CACNA2D4: variants seen among roughly 807,000 people sequenced by gnomAD.
CACNA2D4 encodes the protein voltage-dependent calcium channel subunit alpha-2/delta-4.
CACNA2D4 carries 157 observed loss-of-function variants against 163.8 expected under a neutral mutation model. The ratio of observed to expected loss-of-function variants is 0.96; its 90% CI spans 0.84 to 1.09. The LOEUF (loss-of-function observed/expected upper bound fraction) is 1.09, where lower values mean the gene tolerates loss of function less well. Among genes scored for constraint, CACNA2D4 ranks in the 50% least tolerant of loss-of-function variants. The probability of loss-of-function intolerance (pLI) is 0.00; values close to 1 mark genes in which losing one functional copy is unlikely to be tolerated. For synonymous variants in CACNA2D4, 598 were observed against 586.9 expected (o/e 1.02, Z -0.27); for missense variants, 1,410 against 1,479.9 (o/e 0.95, Z 0.78).
intron 18 of CACNA2D4, among the ~76,000 whole-genome samples, chr12:1,863,469 A>C (rs1865567985): frequency 6.6e-6 from 1 of 152,214 alleles, no homozygotes; most frequent in Non-Finnish European, 1.5e-5. Context: ...GAGTCTGTTC[A>C]AATTTTGATC....
chr12:1,863,976 G>A (rs768551966), intron 18 of CACNA2D4, among the ~76,000 whole-genome samples: 3 of 152,212 alleles, frequency 2.0e-5, no homozygotes, highest in Non-Finnish European at 2.9e-5. Context: ...CGGAAATGCG[G>A]GAGGACATGC....
chr12:1,890,058 C>G (rs972643485), intron 6 of CACNA2D4, among the ~76,000 whole-genome samples: 1 of 152,142 alleles, frequency 6.6e-6, no homozygotes, highest in Non-Finnish European at 1.5e-5. Flanking sequence ...CTCCAGGTTG[C>G]TCAATGCAAT....
intron 3 of CACNA2D4, among the ~76,000 whole-genome samples, chr12:1,911,648 G>A (rs115809456): frequency 0.013 from 2,016 of 152,248 alleles, 40 homozygotes; most frequent in African/African-American, 0.046. Context: ...CGCAGGGACC[G>A]GTCCTCAGAG....
chr12:1,838,392 A>C (rs1864934958), intron 26 of CACNA2D4, among the ~76,000 whole-genome samples: 1 of 152,148 alleles, frequency 6.6e-6, no homozygotes, highest in Non-Finnish European at 1.5e-5. Flanking sequence ...ACACGCTTAC[A>C]GTGCCAGCCG....
intron 26 of CACNA2D4, among the ~76,000 whole-genome samples, chr12:1,817,817 G>A (rs1384554142): frequency 4.5e-4 from 69 of 152,142 alleles, no homozygotes; most frequent in African/African-American, 1.5e-3. Flanking sequence ...GTGCAGTGGC[G>A]TGATCTCGGC....
intron 18 of CACNA2D4, among the ~76,000 whole-genome samples, chr12:1,864,733 C>T (rs1004350971): frequency 6.6e-6 from 1 of 152,254 alleles, no homozygotes; most frequent in Non-Finnish European, 1.5e-5. Flanking sequence ...ACCTTGAAAG[C>T]CTGGCCCCAC....
intron 26 of CACNA2D4, chr12:1,831,535 G>T: frequency 1.2e-6 from 2 of 1,606,124 alleles, no homozygotes; most frequent in Non-Finnish European, 8.5e-7. Context: ...GGTGAGCGCA[G>T]CCGGCCCTGC....
chr12:1,851,386 G>T (rs1426968597), intron 23 of CACNA2D4, among the ~76,000 whole-genome samples: 1 of 152,198 alleles, frequency 6.6e-6, no homozygotes, highest in Non-Finnish European at 1.5e-5. Flanking sequence ...TGTGAGAAAA[G>T]AACATAATTT....
At chr12:1,846,047 C>T (rs1865135815) in intron 24 of CACNA2D4, among the ~76,000 whole-genome samples, 2 of 152,116 alleles carry the variant, frequency 1.3e-5, no homozygotes, top group South Asian at 2.1e-4. Flanking sequence ...AGTAAGAGAC[C>T]GCAAATCTCC....
chr12:1,844,403 T>C lies in CACNA2D4; in HGVS notation c.2469A>G (p.Pro823=), dbSNP rs923150980. The change falls in exon 25 of 38, where the codon CCA becomes CCG. Residue 823 remains proline (P), a splice_region_variant and synonymous_variant. Coordinates refer to ENST00000382722, the MANE Select transcript of CACNA2D4 (RefSeq NM_172364.5). This position sits in a 1 kb window ranked among gnomAD's most constrained non-coding sequence, Gnocchi z 4.2. ...CGGGAGCACCGGGCTGTGTGTTACCTGGTCCTTCTGCCCAGCGGAGGTTGA... is the reference window on the plus strand; with the variant it reads ...CGGGAGCACCGGGCTGTGTGTTACCCGGTCCTTCTGCCCAGCGGAGGTTGA... The part of the protein sequence containing the change: ...FVFNLRWAEG[P]ESAGEPMVVT... 3 of 1,613,438 alleles carry C rather than the reference T, an allele frequency of 1.9e-6. No individual in the cohort carries two copies. The highest frequency in any genetic ancestry group is 2.2e-5 in the South Asian group (2 of 90,902).
chr12:1,844,609 A>T lies in CACNA2D4; in HGVS notation c.2343-80T>A. On this transcript the variant is annotated intron_variant, in intron 24 of 37. Coordinates refer to ENST00000382722, the MANE Select transcript of CACNA2D4 (RefSeq NM_172364.5). This position sits in a 1 kb window ranked among gnomAD's most constrained non-coding sequence, Gnocchi z 4.2. Reference sequence around the variant, plus strand: ...TCTTTCCTTTTCTCACACAAGGTCAACTTGGCTGGGCTAAGAGAGTGATTT... The same window carrying T: ...TCTTTCCTTTTCTCACACAAGGTCATCTTGGCTGGGCTAAGAGAGTGATTT... 1 of 1,496,550 alleles carries T rather than the reference A, an allele frequency of 6.7e-7. No individual in the cohort carries two copies. The highest frequency in any genetic ancestry group is 9.1e-7 in the Non-Finnish European group (1 of 1,093,138). The allele number at this position is 1,496,550 out of a possible 1,614,324, so 92.7% of individuals were successfully genotyped here.
Position 1,793,454 on chromosome 12 carries a change from C to A in CACNA2D4, c.*201G>T. 1.6e-6 allele frequency: 1 copy of A among 625,218 alleles called. No homozygotes were observed. 38.7% of individuals were successfully genotyped at this position (625,218 alleles called of 1,614,324 possible). On this transcript the variant is annotated 3_prime_UTR_variant, in exon 38 of 38. Transcript: ENST00000382722. Reference sequence around the variant, plus strand: ...GCAGATGGTACCGGGCACCATGAAGCATCTTGAAAGTGGTGCCAGGTGATT... The same window carrying A: ...GCAGATGGTACCGGGCACCATGAAGAATCTTGAAAGTGGTGCCAGGTGATT...
rs898882538 is a variant in CACNA2D4, at chr12:1,806,400, C to G, written c.2721+3878G>C. ...CAGCAGGCCTGGAACACCGCCGGTG[C>G]CAAGAAAGAGCCAAGCAGCCACTCC... On this transcript the variant is annotated intron_variant, in intron 29 of 37. Transcript: ENST00000382722. This position sits in a 1 kb window ranked among gnomAD's most constrained non-coding sequence, Gnocchi z 4.1. 6.6e-6 allele frequency among the ~76,000 whole-genome samples: 1 copy of G among 152,136 alleles called. No homozygotes were observed. The highest frequency in any genetic ancestry group is 2.4e-5 in the African/African-American group (1 of 41,424).
chr12:1,843,917 G>A lies in CACNA2D4; in HGVS notation c.2470+485C>T, dbSNP rs888999122. Among the ~76,000 whole-genome samples the A allele has an allele frequency of 6.6e-6, 1 of 152,142 alleles. No individual in the cohort carries two copies. Among genetic ancestry groups the A allele is most frequent in the African/African-American group, 2.4e-5 (1 of 41,416 alleles). On this transcript the variant is annotated intron_variant, in intron 25 of 37. Transcript: ENST00000382722. This position sits in a 1 kb window ranked among gnomAD's most constrained non-coding sequence, Gnocchi z 4.6. Reference sequence around the variant, plus strand: ...TGGAGAAGGCTGGGAGCTCCCTGAGGCTGGTCCTGGGTGGTCCTGGGTAAC... The same window carrying A: ...TGGAGAAGGCTGGGAGCTCCCTGAGACTGGTCCTGGGTGGTCCTGGGTAAC...
chr12:1,831,718 A>G (rs1372303380), intron 26 of CACNA2D4, among the ~76,000 whole-genome samples: 1 of 152,020 alleles, frequency 6.6e-6, no homozygotes, highest in Non-Finnish European at 1.5e-5. Context: ...CTTCCTGCCA[A>G]TGGGAGAGAG....
In CACNA2D4 at chr12:1,846,576, G is replaced by A. The variant is rs751670993; in HGVS notation, c.2342+18C>T. 7.6e-5 allele frequency: 119 copies of A among 1,571,128 alleles called. 1 individual carries two copies. The Middle Eastern group carries it at 1.2e-3, about 15-fold the overall frequency. On this transcript the variant is annotated intron_variant, in intron 24 of 37. Transcript: ENST00000382722. ...GCCCTGCAGGGATTGCCCTCCCGAG[G>A]TGGCCGGCCCAACCCACCTGTCGGA...
chr12:1,817,811 A>G (rs1199876095), intron 26 of CACNA2D4, among the ~76,000 whole-genome samples: 1 of 152,046 alleles, frequency 6.6e-6, no homozygotes, highest in African/African-American at 2.4e-5. Context: ...GCTGGAGTGC[A>G]GTGGCGTGAT....
chr12:1,913,567 T>C (rs720456), intron 2 of CACNA2D4, among the ~76,000 whole-genome samples: 137,836 of 152,296 alleles, frequency 0.91, 62,610 homozygotes, highest in East Asian at 1. Flanking sequence ...TTCCTCAATG[T>C]CCCAGAAGAG....
At position 1,861,510 on chromosome 12, in the gene CACNA2D4, T is replaced by C. The variant is rs1052537538; in HGVS notation, c.1879-1304A>G. ...TAGGCTGGAGTGCAATGGCGTGATC[T>C]TGACTCATTGCAACCTCCGCCTCCT... On this transcript the variant is annotated intron_variant, in intron 18 of 37. Transcript: ENST00000382722. Among the ~76,000 whole-genome samples the C allele has an allele frequency of 7.2e-5, 11 of 151,990 alleles. No individual in the cohort carries two copies. The East Asian group carries it at 2.1e-3, about 29-fold the overall frequency.
Sources: gnomAD v4.1 joint callset for allele counts (sites outside exome capture counted in the v4.1 genomes callset) on GRCh38, gnomAD v4.1.1 for gene constraint, Gnocchi (gnomAD v3.1) non-coding constraint, MANE v1.5 for transcripts, NCBI Gene and HGNC (gene_info 2026-07-23, HGNC 2026-07-21) for gene names.